ZSCAN5A: variants seen among roughly 807,000 people sequenced by gnomAD.
ZSCAN5A encodes the protein zinc finger and SCAN domain-containing protein 5A.
In ZSCAN5A, 12 loss-of-function variants were observed where a neutral mutation model predicts 23.7. The observed-to-expected ratio is 0.51, with a 90% CI of 0.32 to 0.82. The LOEUF (loss-of-function observed/expected upper bound fraction) is 0.82. Ranked by LOEUF, ZSCAN5A falls within the 40% of genes least tolerant of loss-of-function variation. ZSCAN5A has a pLI of 0.03. For missense variants in ZSCAN5A, 597 were observed against 617.9 expected (o/e 0.97, Z 0.36); for synonymous variants, 257 against 239.9 (o/e 1.07, Z -0.66).
rs1344121742 is a variant in ZSCAN5A, at chr19:56,284,983, T to C, written c.-128+28300A>G. On this transcript the variant is annotated intron_variant, in intron 2 of 5. Coordinates refer to ENST00000683990, the MANE Select transcript of ZSCAN5A (RefSeq NM_001322064.3). ...TGCTGCATTTGCACATCATGTGTTA[T>C]GTCTTCTTCCTCAGGTCTCATGAGC... 6 of 984,658 alleles carry C rather than the reference T, an allele frequency of 6.1e-6. No individual in the cohort carries two copies. In the African/African-American group the frequency reaches 7.0e-5, roughly 11 times the overall value. The allele number at this position is 984,658 out of a possible 1,614,324, so 61.0% of individuals were successfully genotyped here.
intron 2 of ZSCAN5A, among the ~76,000 whole-genome samples, chr19:56,240,738 T>C (rs1449922848): frequency 6.6e-6 from 1 of 151,932 alleles, no homozygotes; most frequent in Non-Finnish European, 1.5e-5. Context: ...TTTCTCATCA[T>C]GGGTAGGTTA....
At chr19:56,246,590 C>G in intron 2 of ZSCAN5A, 1 of 663,944 alleles carries the variant, frequency 1.5e-6, no homozygotes, top group Non-Finnish European at 2.7e-6. Flanking sequence ...CCATCCCTTA[C>G]TCTCCAGAGA....
chr19:56,237,980 C>CACACACGG (rs1217482359), intron 2 of ZSCAN5A, among the ~76,000 whole-genome samples: 4,613 of 87,948 alleles, frequency 0.052, 1,795 homozygotes, highest in East Asian at 0.11. Flanking sequence ...CACGGACACA[C>CACACACGG]ACACATACAC....
intron 2 of ZSCAN5A, among the ~76,000 whole-genome samples, chr19:56,244,844 G>T (rs983161427): frequency 1.3e-5 from 2 of 151,512 alleles, no homozygotes; most frequent in African/African-American, 4.9e-5. Context: ...ACTGAAGCGG[G>T]GCCCAGGAGT....
chr19:56,279,854 A>G (rs2038551348), intron 2 of ZSCAN5A, among the ~76,000 whole-genome samples: 1 of 152,148 alleles, frequency 6.6e-6, no homozygotes, highest in African/African-American at 2.4e-5. Flanking sequence ...AAAATGTTTT[A>G]TGTTAAATTA....
chr19:56,349,342 C>T (rs938863463), intron 2 of ZSCAN5A, among the ~76,000 whole-genome samples: 1 of 152,098 alleles, frequency 6.6e-6, no homozygotes, highest in African/African-American at 2.4e-5. Context: ...CCAAAGCCTG[C>T]AAAGCTGAGG....
chr19:56,318,623 A>G (rs1042709216), upstream of ZSCAN5A, among the ~76,000 whole-genome samples: 5 of 152,218 alleles, frequency 3.3e-5, no homozygotes, highest in East Asian at 1.9e-4. Context: ...ACTGACTTTA[A>G]TATTACATTT....
chr19:56,249,744 G>T (rs2036212157), intron 2 of ZSCAN5A, among the ~76,000 whole-genome samples: 1 of 152,196 alleles, frequency 6.6e-6, no homozygotes, highest in Non-Finnish European at 1.5e-5. Flanking sequence ...GACCTCCTCA[G>T]TGTTGATACG....
At chr19:56,322,809 A>T (rs566149299) in intron 2 of ZSCAN5A, among the ~76,000 whole-genome samples, 1 of 152,150 alleles carries the variant, frequency 6.6e-6, no homozygotes, top group South Asian at 2.1e-4. Flanking sequence ...TAGATTACAT[A>T]TAATACCTAA....
chr19:56,315,548 A>G (rs2041292891), upstream of ZSCAN5A: 1 of 152,298 alleles, frequency 6.6e-6, no homozygotes, highest in African/African-American at 2.4e-5. Context: ...ATAGCTGCCC[A>G]CGGGAGGGGA....
chr19:56,335,123 A>G (rs1259227955), intron 2 of ZSCAN5A, among the ~76,000 whole-genome samples: 1 of 152,218 alleles, frequency 6.6e-6, no homozygotes, highest in Non-Finnish European at 1.5e-5. Flanking sequence ...AGAACTGAAA[A>G]ACACAATAAA....
chr19:56,352,981 T>C lies in ZSCAN5A; in HGVS notation c.-358+10254A>G, dbSNP rs1241899391. Among the ~76,000 whole-genome samples, 1 of 152,202 alleles carries C rather than the reference T, an allele frequency of 6.6e-6. No individual in the cohort carries two copies. Among genetic ancestry groups the C allele is most frequent in the Non-Finnish European group, 1.5e-5 (1 of 68,018 alleles). On this transcript the variant is annotated intron_variant, in intron 2 of 6. Coordinates refer to the ZSCAN5A transcript ENST00000587340. The surrounding 1 kb of genome is among the most constrained non-coding windows in gnomAD (Gnocchi z 4.2). ...GGGAAGAGGGCTGTCCTGTGCATTG[T>C]AGGATGTTTAGCTGCATCCCTGGCC...
At chr19:56,223,581 C>T in intron 4 of ZSCAN5A, 50 bp downstream of exon 4, 1 of 1,595,810 alleles carries the variant, frequency 6.3e-7, no homozygotes, top group South Asian at 1.1e-5. Context: ...ACGATTTCCT[C>T]CTGTTCCTTC....
chr19:56,325,667 T>A (rs539112934), intron 2 of ZSCAN5A, among the ~76,000 whole-genome samples: 1 of 151,564 alleles, frequency 6.6e-6, no homozygotes, highest in East Asian at 1.9e-4. Flanking sequence ...AAAAAAAAAA[T>A]AGCGTTTGAA....
intron 2 of ZSCAN5A, among the ~76,000 whole-genome samples, chr19:56,275,536 G>C (rs1217222218): frequency 6.6e-6 from 1 of 152,180 alleles, no homozygotes; most frequent in Non-Finnish European, 1.5e-5. Flanking sequence ...TTTGAGACCA[G>C]CCTGGGCAAC....
intron 2 of ZSCAN5A, among the ~76,000 whole-genome samples, chr19:56,281,952 G>A (rs2038743192): frequency 6.6e-6 from 1 of 152,212 alleles, no homozygotes; most frequent in African/African-American, 2.4e-5. Flanking sequence ...TGTGCTGTCA[G>A]AGAGAAAGAG....
intron 2 of ZSCAN5A, chr19:56,243,906 G>GT (rs914558443): frequency 0.018 from 8,255 of 460,424 alleles, 1 homozygote; most frequent in East Asian, 0.021. Context: ...TCGGGCTCAT[G>GT]TTTTTTTTTG....
At chr19:56,253,136 C>T (rs1025479666) in intron 2 of ZSCAN5A, among the ~76,000 whole-genome samples, 4 of 152,124 alleles carry the variant, frequency 2.6e-5, no homozygotes, top group Non-Finnish European at 5.9e-5. Flanking sequence ...GTTCCTTTCC[C>T]TTGCAGAGGT....
intron 2 of ZSCAN5A, among the ~76,000 whole-genome samples, chr19:56,241,001 GC>G (rs1352819029): frequency 6.6e-6 from 1 of 152,110 alleles, no homozygotes; most frequent in Non-Finnish European, 1.5e-5. Flanking sequence ...GAGCCACCTT[GC>G]CGGCCGCACT....
Sources: allele counts gnomAD v4.1 joint callset (sites outside exome capture counted in the v4.1 genomes callset), GRCh38; gene constraint gnomAD v4.1.1; non-coding constraint Gnocchi (gnomAD v3.1); transcripts MANE v1.5; gene names NCBI Gene and HGNC (gene_info 2026-07-23, HGNC 2026-07-21).